HMCN2: variants seen among roughly 807,000 people sequenced by gnomAD.
HMCN2 encodes hemicentin-2.
In HMCN2, 325 loss-of-function variants were observed where a neutral mutation model predicts 377.5. That is an observed-to-expected ratio of 0.86 (90% CI 0.79 to 0.94). The LOEUF (loss-of-function observed/expected upper bound fraction) is 0.94. Ranked by LOEUF, HMCN2 falls within the 40% of genes least tolerant of loss-of-function variation. HMCN2 has a pLI of 0.00. For missense variants in HMCN2, 4,543 were observed against 4,725.3 expected (o/e 0.96, Z 1.13); for synonymous variants, 2,007 against 2,046.8 (o/e 0.98, Z 0.53).
chr9:130,424,169 A>ATAT (rs1491545716), intron 87 of HMCN2, among the ~76,000 whole-genome samples: 71 of 68,516 alleles, frequency 1.0e-3, no homozygotes, highest in African/African-American at 3.2e-3. Flanking sequence ...ATATATATAT[A>ATAT]TTTTTTTTTT....
intron 15 of HMCN2, among the ~76,000 whole-genome samples, chr9:130,310,708 G>A (rs1837202117): frequency 6.6e-6 from 1 of 152,220 alleles, no homozygotes; most frequent in South Asian, 2.1e-4. Flanking sequence ...GTGTGAACAC[G>A]AGGAGGCGGG....
chr9:130,390,557 C>G (rs1245051206), intron 62 of HMCN2, among the ~76,000 whole-genome samples: 1 of 152,028 alleles, frequency 6.6e-6, no homozygotes, highest in Non-Finnish European at 1.5e-5. Flanking sequence ...GGCCTGAAGG[C>G]CGGGAGTGGG....
intron 15 of HMCN2, among the ~76,000 whole-genome samples, chr9:130,318,798 TA>T (rs1837697529): frequency 6.6e-6 from 1 of 152,226 alleles, no homozygotes; most frequent in African/African-American, 2.4e-5. Context: ...AAGGTCACGT[TA>T]TTTATAACAA....
chr9:130,402,278 T>TC (rs2131719671), intron 77 of HMCN2, among the ~76,000 whole-genome samples: 1 of 152,314 alleles, frequency 6.6e-6, no homozygotes, highest in East Asian at 1.9e-4. Context: ...TTTAGAACCC[T>TC]CGTCACTTGA....
At chr9:130,348,422 C>T (rs768718059) in intron 26 of HMCN2, 123 bp from the exon 27 acceptor site, 7 of 1,216,052 alleles carry the variant, frequency 5.8e-6, no homozygotes, top group South Asian at 1.4e-5. Context: ...GCTGGGCGGA[C>T]GGGGACAGGC....
intron 1 of HMCN2, among the ~76,000 whole-genome samples, chr9:130,282,938 G>A (rs1193365815): frequency 2.0e-5 from 3 of 152,164 alleles, no homozygotes; most frequent in Non-Finnish European, 2.9e-5. Context: ...GGGTGTGGTG[G>A]CACATGACTG....
In HMCN2 at chr9:130,431,456, C is replaced by G. The variant is rs537683501; in HGVS notation, c.14737C>G (p.Arg4913Gly). The G allele has an allele frequency of 1.3e-6, 2 of 1,549,888 alleles. No homozygotes were observed. The highest frequency in any genetic ancestry group is 1.7e-6 in the Non-Finnish European group (2 of 1,146,838). The change falls in exon 96 of 98, where the codon CGT (arginine) becomes GGT (glycine). Residue 4913 changes from arginine (R) to glycine (G), a missense_variant. Around this residue, in one of 5 missense-constraint regions of HMCN2, gnomAD observed 1,155 missense variants for 1,157.7 expected, o/e 1.00. Transcript: ENST00000683500. Reference protein sequence around the residue: ...SYQCLCPAGYRLLPSGKNCQD... With the variant: ...SYQCLCPAGYGLLPSGKNCQD... ...CCAGTGCCTGTGCCCCGCCGGCTAC[C>G]GTCTGCTCCCCAGCGGGAAGAACTG...
intron 1 of HMCN2, among the ~76,000 whole-genome samples, chr9:130,275,884 G>A (rs1467419479): frequency 7.2e-5 from 11 of 152,332 alleles, no homozygotes; most frequent in South Asian, 2.1e-4. Flanking sequence ...AGGTCTGAGC[G>A]GCCCGTGAGG....
intron 54 of HMCN2, among the ~76,000 whole-genome samples, chr9:130,381,736 C>A (rs1181768354): frequency 6.6e-6 from 1 of 152,024 alleles, no homozygotes; most frequent in Non-Finnish European, 1.5e-5. Context: ...CCTACCCCTA[C>A]TTCTACCCCC....
Position 130,396,198 on chromosome 9 carries a change from G to T in HMCN2, c.11083G>T (p.Ala3695Ser). The change falls in exon 73 of 98, where the codon GCA becomes TCA. Residue 3695 changes from alanine to serine, a missense_variant. Transcript: ENST00000683500. ...TVPTIRSGPP[A>S]VNVSVNQTAL... ...GCCCACCATCCGGTCAGGACCACCT[G>T]CAGTGAACGTCTCAGTGAACCAGAC... 7.8e-7 allele frequency: 1 copy of T among 1,282,700 alleles called. No individual in the cohort carries two copies. Among genetic ancestry groups the T allele is most frequent in the Non-Finnish European group, 1.0e-6 (1 of 983,900 alleles). 79.5% of individuals were successfully genotyped at this position (1,282,700 alleles called of 1,614,324 possible).
At chr9:130,391,881 C>G in intron 65 of HMCN2, 54 bp from the exon 66 acceptor site, 1 of 935,512 alleles carries the variant, frequency 1.1e-6, no homozygotes, top group Middle Eastern at 4.4e-4. Flanking sequence ...TGGGAGGAGC[C>G]CACCTTCCTC....
At position 130,428,427 on chromosome 9, in the gene HMCN2, C is replaced by G. The variant is rs1172711914; in HGVS notation, c.14135C>G (p.Ser4712Cys). ...EGQRCVNLLG[S>C]YRCLPDCGPG... ...CAGCGCTGTGTGAACCTGCTCGGGTCCTACCGCTGCCTCCCCGACTGTGGG... is the reference window on the plus strand; with the variant it reads ...CAGCGCTGTGTGAACCTGCTCGGGTGCTACCGCTGCCTCCCCGACTGTGGG... Residue 4712 changes from serine to cysteine, a missense_variant, in exon 93 of 98, where the codon TCC becomes TGC. Coordinates refer to ENST00000683500, the MANE Select transcript of HMCN2 (RefSeq NM_001291815.2). This position sits in a 1 kb window ranked among gnomAD's most constrained non-coding sequence, Gnocchi z 5.0. The G allele has an allele frequency of 6.5e-7, 1 of 1,546,796 alleles. No homozygotes were observed. Among genetic ancestry groups the G allele is most frequent in the South Asian group, 1.2e-5 (1 of 84,060 alleles).
rs1341056430 is a variant in HMCN2, at chr9:130,359,321, C to T, written c.5680C>T (p.Pro1894Ser). The part of the protein sequence containing the change: ...KREVALKVLV[P>S]PNIEPGPVNK... ...GGTCTCTCCTTGTCTCCCCCTAGTG[C>T]CCCCCAACATCGAGCCAGGCCCAGT... The change falls in exon 37 of 98, where the codon CCC becomes TCC. Residue 1894 changes from proline (P) to serine (S), a missense_variant and splice_region_variant. Coordinates refer to ENST00000683500, the MANE Select transcript of HMCN2 (RefSeq NM_001291815.2). 3 of 1,300,672 alleles carry T rather than the reference C, an allele frequency of 2.3e-6. No homozygotes were observed. The highest frequency in any genetic ancestry group is 5.6e-5 in the East Asian group (1 of 17,884). The allele number at this position is 1,300,672 out of a possible 1,614,324, so 80.6% of individuals were successfully genotyped here.
rs180884910 is a variant in HMCN2, at chr9:130,428,876, C to T, written c.14197+387C>T. On this transcript the variant is annotated intron_variant, in intron 93 of 97. Coordinates refer to ENST00000683500, the MANE Select transcript of HMCN2 (RefSeq NM_001291815.2). This position sits in a 1 kb window ranked among gnomAD's most constrained non-coding sequence, Gnocchi z 5.0. ...ATCCTTCTTGACGCAGCAGCCCCTG[C>T]AGCCACAGTGGAACAGGTTCAGTCA... Among the ~76,000 whole-genome samples the T allele has an allele frequency of 5.9e-5, 9 of 152,240 alleles. No individual in the cohort carries two copies. The highest frequency in any genetic ancestry group is 3.3e-4 in the Admixed American group (5 of 15,290).
Position 130,391,091 on chromosome 9 carries a change from C to A in HMCN2, c.9638C>A (p.Ala3213Asp), listed in dbSNP as rs932263437. The A allele has an allele frequency of 2.6e-5, 26 of 987,688 alleles. No individual in the cohort carries two copies. Among genetic ancestry groups the A allele is most frequent in the Non-Finnish European group, 2.9e-5 (24 of 830,228 alleles). 61.2% of individuals were successfully genotyped at this position (987,688 alleles called of 1,614,324 possible). ...TCVAENTQAEARKDFVVAVLV... is the reference protein window; with the variant it reads ...TCVAENTQAEDRKDFVVAVLV... ...GTGGCTGAGAACACCCAGGCTGAGG[C>A]CCGCAAGGACTTCGTGGTAGCAGTG... The change falls in exon 63 of 98, where the codon GCC becomes GAC. Residue 3213 changes from alanine (A) to aspartate (D), a missense_variant. Transcript: ENST00000683500.
At chr9:130,372,038 G>A (rs1356825073) in intron 46 of HMCN2, among the ~76,000 whole-genome samples, 1 of 152,232 alleles carries the variant, frequency 6.6e-6, no homozygotes, top group Non-Finnish European at 1.5e-5. Flanking sequence ...AGCCAGGGGT[G>A]GCCAGGGTGA....
intron 86 of HMCN2, chr9:130,419,690 C>A (rs1843881382): frequency 6.8e-6 from 1 of 146,292 alleles, no homozygotes; most frequent in South Asian, 2.1e-4. Context: ...CATCACTAAT[C>A]TATCACCACA....
intron 8 of HMCN2, among the ~76,000 whole-genome samples, chr9:130,301,579 G>A (rs567011752): frequency 6.6e-6 from 1 of 152,336 alleles, no homozygotes; most frequent in East Asian, 1.9e-4. Context: ...CCCAGGGTGC[G>A]TGGGTGAGTG....
At chr9:130,424,167 ATATTT>A (rs1564881973) in intron 87 of HMCN2, among the ~76,000 whole-genome samples, 1 of 97,130 alleles carries the variant, frequency 1.0e-5, no homozygotes, top group Admixed American at 1.2e-4. Flanking sequence ...ATATATATAT[ATATTT>A]TTTTTTTTTT....
Sources: gnomAD v4.1 joint callset for allele counts (sites outside exome capture counted in the v4.1 genomes callset) on GRCh38, gnomAD v4.1.1 for gene constraint, gnomAD v4.1.1 regional missense constraint, Gnocchi (gnomAD v3.1) non-coding constraint, MANE v1.5 for transcripts, NCBI Gene and HGNC (gene_info 2026-07-23, HGNC 2026-07-21) for gene names.